NRG3: variants seen among roughly 807,000 people sequenced by gnomAD.
NRG3 encodes the protein neuregulin 3, also known as pro-neuregulin-3, membrane-bound isoform.
NRG3 carries 31 observed loss-of-function variants against 66.9 expected under a neutral mutation model. The observed-to-expected ratio is 0.46, with a 90% confidence interval of 0.35 to 0.63. The LOEUF (loss-of-function observed/expected upper bound fraction) is 0.63, where lower values mean the gene tolerates loss of function less well. Among genes scored for constraint, NRG3 ranks in the 20% least tolerant of loss-of-function variants. NRG3 has a pLI of 0.00. For missense variants in NRG3, 910 were observed against 878.9 expected (o/e 1.04, Z -0.45); for synonymous variants, 393 against 359.4 (o/e 1.09, Z -1.06).
At chr10:82,079,929 G>T (rs2065296183) in intron 1 of NRG3, among the ~76,000 whole-genome samples, 1 of 152,100 alleles carries the variant, frequency 6.6e-6, no homozygotes, top group South Asian at 2.1e-4. Flanking sequence ...ATTTGGTTAT[G>T]AATCAAGCTG....
At chr10:82,346,234 G>A (rs1295220693) in intron 1 of NRG3, among the ~76,000 whole-genome samples, 8 of 150,352 alleles carry the variant, frequency 5.3e-5, no homozygotes, top group South Asian at 2.1e-4. Context: ...TTTGAAATAC[G>A]TCCCATCAAT....
chr10:82,244,194 T>C (rs1589446369), intron 1 of NRG3, among the ~76,000 whole-genome samples: 4 of 152,150 alleles, frequency 2.6e-5, no homozygotes, highest in African/African-American at 9.7e-5. Flanking sequence ...ACAGTGACAA[T>C]AGCATTCGTG....
intron 2 of NRG3, among the ~76,000 whole-genome samples, chr10:82,479,572 G>A (rs1426744309): frequency 1.3e-5 from 2 of 149,562 alleles, no homozygotes; most frequent in African/African-American, 4.9e-5. Flanking sequence ...TCTGAGGCAG[G>A]AGAATCGCTT....
chr10:82,483,253 T>C (rs1183586559), intron 2 of NRG3, among the ~76,000 whole-genome samples: 9 of 152,194 alleles, frequency 5.9e-5, no homozygotes, highest in Non-Finnish European at 1.5e-5. Flanking sequence ...GCTTTTATTA[T>C]GGAAAAGAAA....
chr10:82,167,302 A>C (rs2072159757), intron 1 of NRG3, among the ~76,000 whole-genome samples: 1 of 151,972 alleles, frequency 6.6e-6, no homozygotes, highest in African/African-American at 2.4e-5. Context: ...TAAGTGTTTC[A>C]TTCTGTTAGT....
intron 1 of NRG3, among the ~76,000 whole-genome samples, chr10:82,325,650 C>G (rs1589727258): frequency 6.6e-6 from 1 of 151,310 alleles, no homozygotes; most frequent in East Asian, 1.9e-4. Context: ...GTTTTCTTAC[C>G]TCTATTTCTT....
At chr10:82,230,990 A>T (rs963242508) in intron 1 of NRG3, among the ~76,000 whole-genome samples, 5 of 152,228 alleles carry the variant, frequency 3.3e-5, no homozygotes, top group African/African-American at 1.2e-4. Context: ...AAGTGGAGGT[A>T]TAAATTTTGT....
chr10:82,812,633 A>G (rs1419524201), intron 3 of NRG3, among the ~76,000 whole-genome samples: 2 of 152,230 alleles, frequency 1.3e-5, no homozygotes, highest in East Asian at 1.9e-4. Flanking sequence ...AAATGAATTT[A>G]AAAAGCACAC....
At chr10:82,181,560 T>C (rs1189725762) in intron 1 of NRG3, among the ~76,000 whole-genome samples, 4 of 151,868 alleles carry the variant, frequency 2.6e-5, no homozygotes, top group Non-Finnish European at 5.9e-5. Context: ...CAACTATTAG[T>C]GAACTTTCTA....
rs534218893 is a variant in NRG3 at position 82,141,638 on chromosome 10, TA to T, written c.824-217091del. Among the ~76,000 whole-genome samples the T allele has an allele frequency of 1.5e-3, 222 of 149,452 alleles. 1 individual carries two copies. Among genetic ancestry groups the T allele is most frequent in the Middle Eastern group, 3.4e-3 (1 of 292 alleles). On this transcript the variant is annotated intron_variant, in intron 1 of 8. Coordinates refer to ENST00000372141, the MANE Select transcript of NRG3 (RefSeq NM_001010848.4). ...TCAGCACCCTGCATTTCTCTTAAAA[TA>T]AAAAAAAAATCACAGTGATTCTAGG...
intron 1 of NRG3, among the ~76,000 whole-genome samples, chr10:82,165,567 G>A (rs913702357): frequency 2.0e-5 from 3 of 151,816 alleles, no homozygotes; most frequent in Non-Finnish European, 4.4e-5. Flanking sequence ...TTTTGAATAG[G>A]TGATCATTTT....
At chr10:81,882,854 C>T (rs1842302535) in intron 1 of NRG3, among the ~76,000 whole-genome samples, 1 of 152,116 alleles carries the variant, frequency 6.6e-6, no homozygotes, top group African/African-American at 2.4e-5. Flanking sequence ...TGGAGTCCTA[C>T]CTCAAATCAC....
At chr10:82,597,802 T>G in intron 2 of NRG3, among the ~76,000 whole-genome samples, 1 of 151,774 alleles carries the variant, frequency 6.6e-6, no homozygotes. Context: ...GTGCCTGTAG[T>G]CCTAGCTACT....
chr10:82,139,626 G>T (rs1398844022), intron 1 of NRG3, among the ~76,000 whole-genome samples: 2 of 152,106 alleles, frequency 1.3e-5, no homozygotes, highest in Admixed American at 6.6e-5. Context: ...CATTACTGTT[G>T]AAGTCTTTAA....
intron 2 of NRG3, among the ~76,000 whole-genome samples, chr10:82,414,747 C>G (rs948971223): frequency 1.3e-5 from 2 of 151,936 alleles, no homozygotes; most frequent in African/African-American, 2.4e-5. Context: ...TGTGAGCACA[C>G]AGAGAGAGAG....
intron 3 of NRG3, among the ~76,000 whole-genome samples, chr10:82,814,959 G>C (rs1202598208): frequency 2.0e-5 from 3 of 152,120 alleles, no homozygotes; most frequent in African/African-American, 7.2e-5. Context: ...TAGACTTCTA[G>C]AGATCACAGA....
chr10:82,139,305 G>T (rs1234144850), intron 1 of NRG3, among the ~76,000 whole-genome samples: 16 of 152,130 alleles, frequency 1.1e-4, no homozygotes. Context: ...TATTTAAGTT[G>T]TGCCAAAGTC....
intron 1 of NRG3, among the ~76,000 whole-genome samples, chr10:82,334,741 G>T (rs912437683): frequency 7.2e-5 from 11 of 152,164 alleles, no homozygotes; most frequent in African/African-American, 2.7e-4. Context: ...CTGTGTTTGA[G>T]TAATGATAAT....
At chr10:82,947,215 G>C (rs1849107373) in intron 4 of NRG3, among the ~76,000 whole-genome samples, 1 of 152,040 alleles carries the variant, frequency 6.6e-6, no homozygotes, top group Admixed American at 6.5e-5. Flanking sequence ...CATGTACCCT[G>C]TTTGCTGTCT....
Sources: allele counts gnomAD v4.1 joint callset (sites outside exome capture counted in the v4.1 genomes callset), GRCh38; gene constraint gnomAD v4.1.1; transcripts MANE v1.5; gene names NCBI Gene and HGNC (gene_info 2026-07-23, HGNC 2026-07-21).